Variants in KIF6 observed in about 807,000 individuals in gnomAD.
The protein encoded by KIF6 is kinesin family member 6.
In KIF6, 106 loss-of-function variants were observed where a neutral mutation model predicts 112.7. The ratio of observed to expected loss-of-function variants is 0.94; its 90% CI spans 0.80 to 1.11. The LOEUF is 1.11. KIF6 is among the 50% of genes least tolerant of loss of function. The pLI, the probability that KIF6 is intolerant of heterozygous loss-of-function variation, is 0.00. For synonymous variants in KIF6, 339 were observed against 339.9 expected (o/e 1.00, Z 0.03); for missense variants, 929 against 964.0 (o/e 0.96, Z 0.48).
At chr6:39,350,046 G>A (rs1346908737) in intron 19 of KIF6, among the ~76,000 whole-genome samples, 1 of 152,130 alleles carries the variant, frequency 6.6e-6, no homozygotes, top group African/African-American at 2.4e-5. Context: ...CTGAACTCTG[G>A]GTTTCTCAGC....
chr6:39,508,270 T>C (rs974964939), intron 13 of KIF6, among the ~76,000 whole-genome samples: 9 of 151,922 alleles, frequency 5.9e-5, no homozygotes, highest in African/African-American at 2.2e-4. Context: ...GAAATAGCTC[T>C]GGTCTACAGC....
chr6:39,584,719 T>A (rs1406891713), intron 9 of KIF6, among the ~76,000 whole-genome samples, 179 bp downstream of exon 9: 1 of 152,152 alleles, frequency 6.6e-6, no homozygotes, highest in Non-Finnish European at 1.5e-5. Flanking sequence ...CTCAGTTTTG[T>A]CATCTTTAAG....
intron 3 of KIF6, among the ~76,000 whole-genome samples, chr6:39,644,551 C>G (rs1312140960): frequency 6.6e-6 from 1 of 151,854 alleles, no homozygotes; most frequent in Non-Finnish European, 1.5e-5. Flanking sequence ...TTTTAAAAAG[C>G]CAGTCAAAAA....
At chr6:39,421,112 A>C (rs1471744030) in intron 14 of KIF6, among the ~76,000 whole-genome samples, 1 of 152,186 alleles carries the variant, frequency 6.6e-6, no homozygotes, top group Non-Finnish European at 1.5e-5. Flanking sequence ...GAAAGCAAGC[A>C]CCTAATAGAT....
At chr6:39,575,107 ATCT>A (rs1473716393) in intron 10 of KIF6, among the ~76,000 whole-genome samples, 3 of 152,016 alleles carry the variant, frequency 2.0e-5, no homozygotes, top group Admixed American at 6.6e-5. Flanking sequence ...GGGTTGTACA[ATCT>A]TCTTGTTCTT....
At chr6:39,591,649 T>C (rs1048419227) in intron 7 of KIF6, among the ~76,000 whole-genome samples, 3 of 152,174 alleles carry the variant, frequency 2.0e-5, no homozygotes, top group Admixed American at 6.5e-5. Context: ...TGAGGAATAC[T>C]ATAAGCCCAG....
At chr6:39,367,082 C>T (rs1765617312) in intron 16 of KIF6, among the ~76,000 whole-genome samples, 1 of 152,122 alleles carries the variant, frequency 6.6e-6, no homozygotes, top group Admixed American at 6.5e-5. Flanking sequence ...GTCATGACAA[C>T]CAAATGGGCC....
At chr6:39,554,174 G>C (rs116251924) in intron 10 of KIF6, 269 of 156,530 alleles carry the variant, frequency 1.7e-3, no homozygotes, top group Admixed American at 4.4e-3. Context: ...CACAAGGTGT[G>C]GGGGAAGCAG....
chr6:39,407,937 C>T (rs1769202054), intron 15 of KIF6, among the ~76,000 whole-genome samples: 1 of 152,120 alleles, frequency 6.6e-6, no homozygotes, highest in African/African-American at 2.4e-5. Flanking sequence ...CAGAAAAAAG[C>T]AACTGTCCTA....
At chr6:39,595,740 G>T (rs1158123686) in intron 7 of KIF6, among the ~76,000 whole-genome samples, 2 of 152,122 alleles carry the variant, frequency 1.3e-5, no homozygotes, top group African/African-American at 2.4e-5. Flanking sequence ...CTTACACGAG[G>T]CACCTGAAAT....
At chr6:39,412,009 G>A (rs543955054) in intron 15 of KIF6, among the ~76,000 whole-genome samples, 1 of 152,246 alleles carries the variant, frequency 6.6e-6, no homozygotes, top group South Asian at 2.1e-4. Flanking sequence ...GCCAGGTCGT[G>A]GACCTTGGTT....
intron 3 of KIF6, among the ~76,000 whole-genome samples, chr6:39,694,407 C>G (rs1412649577): frequency 6.6e-6 from 1 of 152,104 alleles, no homozygotes; most frequent in Non-Finnish European, 1.5e-5. Flanking sequence ...TGTTTCTATA[C>G]CTAGAAAACC....
At chr6:39,571,755 T>C (rs2150621502) in intron 10 of KIF6, among the ~76,000 whole-genome samples, 1 of 152,314 alleles carries the variant, frequency 6.6e-6, no homozygotes, top group South Asian at 2.1e-4. Flanking sequence ...TATTCTTCAA[T>C]TCCTCCATGA....
chr6:39,617,669 C>T, intron 5 of KIF6: 1 of 454,266 alleles, frequency 2.2e-6, no homozygotes, highest in Non-Finnish European at 4.4e-6. Context: ...AATCAGCATA[C>T]TGCAACAATT....
chr6:39,460,536 T>TAAAAAAAAAAAAAGA (rs1773405549), intron 13 of KIF6, among the ~76,000 whole-genome samples: 1 of 57,078 alleles, frequency 1.8e-5, no homozygotes, highest in Non-Finnish European at 3.2e-5. Context: ...AAAAAAAAAG[T>TAAAAAAAAAAAAAGA]AAAAAAAAAA....
At chr6:39,351,973 T>C (rs1435160575) in intron 19 of KIF6, among the ~76,000 whole-genome samples, 2 of 152,306 alleles carry the variant, frequency 1.3e-5, no homozygotes, top group South Asian at 4.2e-4. Context: ...GAATTCAAAT[T>C]TACTGGCCTC....
chr6:39,558,614 G>C (rs563086321), intron 10 of KIF6, among the ~76,000 whole-genome samples: 4 of 152,180 alleles, frequency 2.6e-5, no homozygotes, highest in African/African-American at 9.6e-5. Context: ...AAAGAGCAAG[G>C]AACATTAACA....
intron 13 of KIF6, among the ~76,000 whole-genome samples, chr6:39,479,396 TA>T (rs1256292625): frequency 6.6e-6 from 1 of 152,014 alleles, no homozygotes; most frequent in Non-Finnish European, 1.5e-5. Flanking sequence ...TGTTGAAGAT[TA>T]GTTGGCTGTA....
At chr6:39,535,673 G>C (rs1391823250) in intron 13 of KIF6, among the ~76,000 whole-genome samples, 1 of 152,138 alleles carries the variant, frequency 6.6e-6, no homozygotes, top group Non-Finnish European at 1.5e-5. Flanking sequence ...AAGTTAACAA[G>C]GATACCCAGG....
Sources: gnomAD v4.1 joint callset for allele counts (sites outside exome capture counted in the v4.1 genomes callset) on GRCh38, gnomAD v4.1.1 for gene constraint, MANE v1.5 for transcripts, NCBI Gene and HGNC (gene_info 2026-07-23, HGNC 2026-07-21) for gene names.